The following SH3RF3 variants were observed in gnomAD, a reference collection of about 807,000 sequenced individuals.
SH3RF3 encodes the protein SH3 domain containing ring finger 3.
A neutral mutation model predicts 66.3 loss-of-function variants in SH3RF3; 29 were observed. The observed-to-expected ratio is 0.44, with a 90% CI of 0.33 to 0.60. The LOEUF (loss-of-function observed/expected upper bound fraction) is 0.60. Ranked by LOEUF, SH3RF3 falls within the 20% of genes least tolerant of loss-of-function variation. SH3RF3 has a pLI of 0.04. For synonymous variants in SH3RF3, 583 were observed against 532.0 expected (o/e 1.10, Z -1.32); for missense variants, 1,194 against 1,190.9 (o/e 1.00, Z -0.04).
chr2:109,190,828 T>TC (rs1678335850), intron 1 of SH3RF3, among the ~76,000 whole-genome samples: 1 of 151,964 alleles, frequency 6.6e-6, no homozygotes, highest in South Asian at 2.1e-4. Flanking sequence ...TAAGGAGTGT[T>TC]CAATTCAGAA....
At chr2:109,207,075 G>C (rs1188315390) in intron 1 of SH3RF3, among the ~76,000 whole-genome samples, 1 of 152,136 alleles carries the variant, frequency 6.6e-6, no homozygotes, top group African/African-American at 2.4e-5. Flanking sequence ...AGAGGGCCTG[G>C]GGAGCTTAGT....
At chr2:109,224,584 G>A (rs1252324483) in intron 1 of SH3RF3, among the ~76,000 whole-genome samples, 1 of 152,168 alleles carries the variant, frequency 6.6e-6, no homozygotes, top group Non-Finnish European at 1.5e-5. Context: ...TTTGCCAGGC[G>A]CAGTGGCTCA....
At chr2:109,439,908 T>G (rs1677513194) in intron 7 of SH3RF3, among the ~76,000 whole-genome samples, 1 of 151,300 alleles carries the variant, frequency 6.6e-6, no homozygotes. Context: ...ATTAAGAGAG[T>G]GTGGAGGAGG....
intron 1 of SH3RF3, among the ~76,000 whole-genome samples, chr2:109,273,256 G>A (rs1680669842): frequency 6.6e-6 from 1 of 152,228 alleles, no homozygotes; most frequent in Non-Finnish European, 1.5e-5. Context: ...GGCTGGGAAG[G>A]CACATGTGTT....
At chr2:109,419,445 C>CA (rs1676812538) in intron 4 of SH3RF3, 94 bp from the exon 5 acceptor site, 1 of 1,309,704 alleles carries the variant, frequency 7.6e-7, no homozygotes, top group African/African-American at 1.5e-5. Flanking sequence ...TGGCGAAGCA[C>CA]AGGCACCTGT....
At chr2:109,430,912 G>A (rs1268480857) in intron 5 of SH3RF3, among the ~76,000 whole-genome samples, 2 of 152,228 alleles carry the variant, frequency 1.3e-5, no homozygotes, top group Non-Finnish European at 2.9e-5. Flanking sequence ...AGGAGGGCAT[G>A]AGGGACACCT....
intron 1 of SH3RF3, among the ~76,000 whole-genome samples, chr2:109,167,044 G>A (rs569564041): frequency 2.0e-5 from 3 of 152,170 alleles, no homozygotes; most frequent in Admixed American, 6.5e-5. Flanking sequence ...TCGGTGTCCC[G>A]TGGGAATACC....
At chr2:109,339,602 A>C (rs1018234541) in intron 1 of SH3RF3, among the ~76,000 whole-genome samples, 2 of 152,146 alleles carry the variant, frequency 1.3e-5, no homozygotes, top group African/African-American at 4.8e-5. Context: ...GTGGGGCTGC[A>C]GGGGTTGCCG....
intron 9 of SH3RF3, among the ~76,000 whole-genome samples, chr2:109,495,209 G>A (rs1481536069): frequency 4.6e-5 from 7 of 152,178 alleles, no homozygotes; most frequent in South Asian, 2.1e-4. Context: ...CTCAGAATAC[G>A]GGTGTGGTCA....
At chr2:109,317,907 A>T (rs1481191931) in intron 1 of SH3RF3, among the ~76,000 whole-genome samples, 1 of 151,948 alleles carries the variant, frequency 6.6e-6, no homozygotes, top group Non-Finnish European at 1.5e-5. Context: ...GGCCAGCAGC[A>T]GCTCGCTGGC....
At position 109,201,882 on chromosome 2, in the gene SH3RF3, C is replaced by T. The variant is rs536257846; in HGVS notation, c.573+71769C>T. On this transcript the variant is annotated intron_variant, in intron 1 of 9. Transcript: ENST00000309415. The stretch of plus-strand genomic sequence containing the variant: ...AATTATGTCCTGTGTTGCTAAGCCT[C>T]CTACCAATGAGTCTGACACATCTGA... Among the ~76,000 whole-genome samples, 6 of 152,334 alleles carry T rather than the reference C, an allele frequency of 3.9e-5. No homozygotes were observed. In the South Asian group the frequency reaches 1.2e-3, roughly 32 times the overall value.
At position 109,193,765 on chromosome 2, in the gene SH3RF3, A is replaced by G. The variant is rs534779280; in HGVS notation, c.573+63652A>G. 1.1e-4 allele frequency among the ~76,000 whole-genome samples: 16 copies of G among 152,308 alleles called. No individual in the cohort carries two copies. The South Asian group carries it at 3.3e-3, about 32-fold the overall frequency. ...TTTTCTCACAATTAAAGGGAGGGCA[A>G]TTAAAGGGAAAAGAACATTTGTGCA... is the stretch of plus-strand genomic sequence containing the variant. On this transcript the variant is annotated intron_variant, in intron 1 of 9. Coordinates refer to ENST00000309415, the MANE Select transcript of SH3RF3 (RefSeq NM_001099289.3).
chr2:109,447,058 G>A (rs1238406520), intron 7 of SH3RF3, among the ~76,000 whole-genome samples: 1 of 150,450 alleles, frequency 6.6e-6, no homozygotes, highest in African/African-American at 2.5e-5. Context: ...CTGCGTGATT[G>A]CCTGACCTGC....
Position 109,449,431 on chromosome 2 carries a change from T to C in SH3RF3, c.2090T>C (p.Leu697Pro), listed in dbSNP as rs757137738. ...GCTGGAGGGGGGCCCATCGGTGTTCTGTCCACATCCAGCCCCACCAACACG... is the reference window on the plus strand; with the variant it reads ...GCTGGAGGGGGGCCCATCGGTGTTCCGTCCACATCCAGCCCCACCAACACG... Reference protein sequence around the residue: ...GEAGGGPIGVLSTSSPTNTGC... With the variant: ...GEAGGGPIGVPSTSSPTNTGC... Residue 697 changes from leucine (L) to proline (P), a missense_variant, in exon 8 of 10, where the codon CTG becomes CCG. Physicochemically the swap from Leu to Pro is moderately conservative, Grantham distance 98. Transcript: ENST00000309415. The C allele has an allele frequency of 1.2e-6, 2 of 1,613,900 alleles. No individual in the cohort carries two copies. The highest frequency in any genetic ancestry group is 2.7e-5 in the African/African-American group (2 of 74,940).
intron 1 of SH3RF3, among the ~76,000 whole-genome samples, chr2:109,138,529 T>C (rs1676865702): frequency 6.6e-6 from 1 of 152,252 alleles, no homozygotes; most frequent in Non-Finnish European, 1.5e-5. Context: ...AGTAATATTC[T>C]GGACTTCATG....
intron 1 of SH3RF3, among the ~76,000 whole-genome samples, chr2:109,130,721 C>T (rs1042723200): frequency 2.5e-4 from 38 of 152,180 alleles, no homozygotes; most frequent in African/African-American, 8.9e-4. Flanking sequence ...AAGGTCTTCT[C>T]CTGGGCTCCC....
intron 1 of SH3RF3, among the ~76,000 whole-genome samples, chr2:109,166,303 C>T (rs139440732): frequency 0.011 from 1,667 of 151,950 alleles, 17 homozygotes; most frequent in Non-Finnish European, 0.014. Context: ...ATAGTGAAAC[C>T]CCATTTCTAC....
At chr2:109,254,136 T>A (rs775542549) in intron 1 of SH3RF3, among the ~76,000 whole-genome samples, 1 of 152,188 alleles carries the variant, frequency 6.6e-6, no homozygotes, top group Non-Finnish European at 1.5e-5. Context: ...CCAACCCCTC[T>A]AGCAAGGACT....
chr2:109,243,075 T>C (rs994216793), intron 1 of SH3RF3, among the ~76,000 whole-genome samples: 5 of 152,232 alleles, frequency 3.3e-5, no homozygotes, highest in African/African-American at 1.2e-4. Context: ...GCTGTTCATA[T>C]TCCTGTAGCG....
Sources: allele counts gnomAD v4.1 joint callset (sites outside exome capture counted in the v4.1 genomes callset), GRCh38; gene constraint gnomAD v4.1.1; transcripts MANE v1.5; gene names NCBI Gene and HGNC (gene_info 2026-07-23, HGNC 2026-07-21).